Variants in CLEC2L observed in about 807,000 individuals in gnomAD.
The protein encoded by CLEC2L is C-type lectin domain family 2, member L.
Under a neutral mutation model 23.6 loss-of-function variants are expected in CLEC2L, and 14 were observed. The ratio of observed to expected loss-of-function variants is 0.59; its 90% CI spans 0.39 to 0.93. CLEC2L has a LOEUF of 0.93. Ranked by LOEUF, CLEC2L falls within the 40% of genes least tolerant of loss-of-function variation. The pLI, the probability that CLEC2L is intolerant of heterozygous loss-of-function variation, is 0.00. For synonymous variants in CLEC2L, 114 were observed against 121.3 expected (o/e 0.94, Z 0.40); for missense variants, 264 against 282.4 (o/e 0.93, Z 0.47).
chr7:139,532,693 C>T (rs554513103), intron 1 of CLEC2L, among the ~76,000 whole-genome samples: 7 of 152,072 alleles, frequency 4.6e-5, no homozygotes, highest in Admixed American at 4.6e-4. Context: ...GAATTAGGAC[C>T]CTTATAAGAA....
intron 2 of CLEC2L, among the ~76,000 whole-genome samples, chr7:139,537,871 A>G (rs143507966): frequency 7.6e-4 from 116 of 152,362 alleles, no homozygotes; most frequent in Middle Eastern, 3.4e-3. Flanking sequence ...GGATAAATGA[A>G]AAAGGTAGAA....
chr7:139,536,555 T>G (rs1797659369), intron 2 of CLEC2L, among the ~76,000 whole-genome samples: 1 of 152,174 alleles, frequency 6.6e-6, no homozygotes, highest in Non-Finnish European at 1.5e-5. Context: ...CATCAAGCCA[T>G]GCAAGTAGAG....
rs763882025 is a variant in CLEC2L at position 139,540,510 on chromosome 7, G to C, written c.432+23G>C. 1.3e-6 allele frequency: 2 copies of C among 1,572,138 alleles called. No individual in the cohort carries two copies. Among genetic ancestry groups the C allele is most frequent in the Non-Finnish European group, 1.7e-6 (2 of 1,159,342 alleles). On this transcript the variant is annotated intron_variant, in intron 3 of 4. Transcript: ENST00000422142. The surrounding 1 kb of genome is among the most constrained non-coding windows in gnomAD (Gnocchi z 5.8). Reference sequence around the variant, plus strand: ...CTGGTGAGTGTGCCAAGGTGAAGGGGGTTGGGGGAAGGGACCCTCAGGGCC... The same window carrying C: ...CTGGTGAGTGTGCCAAGGTGAAGGGCGTTGGGGGAAGGGACCCTCAGGGCC...
In CLEC2L at chr7:139,534,387, A is replaced by T. The variant is rs550249851; in HGVS notation, c.191-1887A>T. 1.3e-5 allele frequency: 12 copies of T among 935,960 alleles called. No individual in the cohort carries two copies. In the South Asian group the frequency reaches 1.5e-4, roughly 12 times the overall value. The allele number at this position is 935,960 out of a possible 1,614,324, so 58.0% of individuals were successfully genotyped here. On this transcript the variant is annotated intron_variant, in intron 1 of 4. Transcript: ENST00000422142. Reference sequence around the variant, plus strand: ...AAGAATGAATCCCAACAGTCCCTCTATCAAATATGACATCAGTCAGTTGTT... The same window carrying T: ...AAGAATGAATCCCAACAGTCCCTCTTTCAAATATGACATCAGTCAGTTGTT...
chr7:139,527,091 G>T (rs902405200), intron 1 of CLEC2L, among the ~76,000 whole-genome samples: 62 of 152,190 alleles, frequency 4.1e-4, no homozygotes, highest in African/African-American at 1.4e-3. Flanking sequence ...CACCTGCTAC[G>T]TGCTGGAGCC....
intron 3 of CLEC2L, among the ~76,000 whole-genome samples, chr7:139,541,030 A>G (rs1797727920): frequency 6.6e-6 from 1 of 151,782 alleles, no homozygotes; most frequent in Non-Finnish European, 1.5e-5. Flanking sequence ...TTTTTTTTTG[A>G]GACAGTCTCA....
intron 1 of CLEC2L, among the ~76,000 whole-genome samples, chr7:139,533,101 A>G (rs187309905): frequency 6.3e-4 from 96 of 152,354 alleles, no homozygotes; most frequent in African/African-American, 2.1e-3. Flanking sequence ...TGAGCTAAGT[A>G]TATAACACCA....
At chr7:139,534,392 A>G (rs2116314671) in intron 1 of CLEC2L, 3 of 934,038 alleles carry the variant, frequency 3.2e-6, no homozygotes, top group Non-Finnish European at 5.4e-6. Flanking sequence ...CCTCTATCAA[A>G]TATGACATCA....
In CLEC2L at chr7:139,527,527, C is replaced by A. The variant is rs114023754; in HGVS notation, c.190+3410C>A. Among the ~76,000 whole-genome samples, 426 of 152,284 alleles carry A rather than the reference C, an allele frequency of 2.8e-3. 2 individuals carry two copies. The highest frequency in any genetic ancestry group is 9.6e-3 in the African/African-American group (400 of 41,548). ...GAAGCCAAACAGAAGTTGCCTTAAT[C>A]AAGTCTTTTCTCTCGCTGTAGATAT... On this transcript the variant is annotated intron_variant, in intron 1 of 4. Transcript: ENST00000422142.
rs1316244800 is a variant in CLEC2L, at chr7:139,534,590, C to G, written c.191-1684C>G. The G allele has an allele frequency of 5.5e-6, 4 of 722,828 alleles. No individual in the cohort carries two copies. The East Asian group carries it at 9.8e-5, about 18-fold the overall frequency. The allele number at this position is 722,828 out of a possible 1,614,324, so 44.8% of individuals were successfully genotyped here. ...AAGCATTAGGGGGGTTGGGGGTGGGCTTGGAACACAGGTGAGTACGGTGTG... is the reference window on the plus strand; with the variant it reads ...AAGCATTAGGGGGGTTGGGGGTGGGGTTGGAACACAGGTGAGTACGGTGTG... On this transcript the variant is annotated intron_variant, in intron 1 of 4. Transcript: ENST00000422142.
intron 1 of CLEC2L, among the ~76,000 whole-genome samples, chr7:139,528,849 T>G (rs539631923): frequency 6.6e-6 from 1 of 152,244 alleles, no homozygotes; most frequent in Non-Finnish European, 1.5e-5. Flanking sequence ...GGAAGCATGG[T>G]CCAGTGCAGC....
chr7:139,544,306 C>G lies in CLEC2L; in HGVS notation c.609C>G (p.Thr203=), dbSNP rs1460222504. Residue 203 remains threonine (T), a synonymous_variant, in exon 5 of 5, where the codon ACC becomes ACG. Coordinates refer to ENST00000422142, the MANE Select transcript of CLEC2L (RefSeq NM_001080511.4). ...TGGTGTCGACGGAGTGTCTGATGAC[C>G]CGGCCCTGGGTGTGCAGCAAGATGG... ...TRLVSTECLM[T]RPWVCSKMAY... is the part of the protein sequence containing the mutation. 6.2e-7 allele frequency: 1 copy of G among 1,613,238 alleles called. No homozygotes were observed. Among genetic ancestry groups the G allele is most frequent in the Non-Finnish European group, 8.5e-7 (1 of 1,179,596 alleles).
chr7:139,533,183 A>G (rs766018557), intron 1 of CLEC2L, among the ~76,000 whole-genome samples: 13 of 152,226 alleles, frequency 8.5e-5, no homozygotes, highest in Non-Finnish European at 1.6e-4. Context: ...ATGGTAATGC[A>G]GAGAATTAAG....
In CLEC2L at chr7:139,544,382, G is replaced by T. The variant is rs746459255; in HGVS notation, c.*40G>T. On this transcript the variant is annotated 3_prime_UTR_variant, in exon 5 of 5. Coordinates refer to ENST00000422142, the MANE Select transcript of CLEC2L (RefSeq NM_001080511.4). ...GAGGTGGCCCCGCCCCTAGGCCTGT[G>T]GGAGGTGTCTGGTGTCTGCTCAAGA... The T allele has an allele frequency of 2.2e-5, 32 of 1,427,638 alleles. No individual in the cohort carries two copies. The highest frequency in any genetic ancestry group is 9.7e-7 in the Non-Finnish European group (1 of 1,025,916). 88.4% of individuals were successfully genotyped at this position (1,427,638 alleles called of 1,614,324 possible). A position where few individuals can be genotyped will look rare whatever the true frequency, so the allele number is the denominator to read the frequency against.
intron 2 of CLEC2L, among the ~76,000 whole-genome samples, chr7:139,536,929 C>T (rs116669144): frequency 0.015 from 2,178 of 144,764 alleles, 54 homozygotes; most frequent in African/African-American, 0.054. Context: ...GAGTTGAGAT[C>T]GCACACCACC....
At chr7:139,542,148 A>G (rs1797745015) in intron 4 of CLEC2L, 27 bp downstream of exon 4, 2 of 1,541,568 alleles carry the variant, frequency 1.3e-6, no homozygotes, top group Non-Finnish European at 1.8e-6. Flanking sequence ...TCTTCTGGCT[A>G]CCGAGCTTAG....
At chr7:139,544,041 C>T (rs138816199) in intron 4 of CLEC2L, among the ~76,000 whole-genome samples, 190 bp from the exon 5 acceptor site, 2 of 152,264 alleles carry the variant, frequency 1.3e-5, no homozygotes, top group East Asian at 1.9e-4. Flanking sequence ...GCTGGAGCTA[C>T]GGTGCACAGA....
intron 1 of CLEC2L, among the ~76,000 whole-genome samples, chr7:139,527,868 C>A (rs991931749): frequency 6.6e-6 from 1 of 152,168 alleles, no homozygotes; most frequent in Non-Finnish European, 1.5e-5. Context: ...TACCAAACTT[C>A]ACATTTGGTA....
Position 139,523,914 on chromosome 7 carries a change from G to A in CLEC2L, c.-14G>A. 1.0e-6 allele frequency: 1 copy of A among 977,790 alleles called. No homozygotes were observed. The highest frequency in any genetic ancestry group is 1.2e-6 in the Non-Finnish European group (1 of 826,402). The allele number at this position is 977,790 out of a possible 1,614,324, so 60.6% of individuals were successfully genotyped here. A position where few individuals can be genotyped will look rare whatever the true frequency, so the allele number is the denominator to read the frequency against. ...GGTGCAGGAGCGCGGGCGCGGCGCGGCGGAGCGCCCCGCATGGAGCCGGCC... is the reference window on the plus strand; with the variant it reads ...GGTGCAGGAGCGCGGGCGCGGCGCGACGGAGCGCCCCGCATGGAGCCGGCC... On this transcript the variant is annotated 5_prime_UTR_variant, in exon 1 of 5. Transcript: ENST00000422142. The surrounding 1 kb of genome is among the most constrained non-coding windows in gnomAD (Gnocchi z 4.1).
Sources: gnomAD v4.1 joint callset for allele counts (sites outside exome capture counted in the v4.1 genomes callset) on GRCh38, gnomAD v4.1.1 for gene constraint, Gnocchi (gnomAD v3.1) non-coding constraint, MANE v1.5 for transcripts, NCBI Gene and HGNC (gene_info 2026-07-23, HGNC 2026-07-21) for gene names.